KIF3B: variants seen among roughly 807,000 people sequenced by gnomAD.
KIF3B encodes the protein kinesin family member 3B, also known as kinesin-like protein KIF3B.
A neutral mutation model predicts 74.3 loss-of-function variants in KIF3B; 38 were observed. The observed-to-expected ratio is 0.51, with a 90% CI of 0.39 to 0.67. The LOEUF (loss-of-function observed/expected upper bound fraction) is 0.67, where lower values mean the gene tolerates loss of function less well. Among genes scored for constraint, KIF3B ranks in the 30% least tolerant of loss-of-function variants. The pLI, the probability that KIF3B is intolerant of heterozygous loss-of-function variation, is 0.00. For synonymous variants in KIF3B, 326 were observed against 342.5 expected (o/e 0.95, Z 0.53); for missense variants, 649 against 932.0 (o/e 0.70, Z 3.95).
At chr20:32,286,129 T>C (rs897634941) in intron 1 of KIF3B, among the ~76,000 whole-genome samples, 1 of 152,182 alleles carries the variant, frequency 6.6e-6, no homozygotes, top group Non-Finnish European at 1.5e-5. Flanking sequence ...TTGAATATAG[T>C]CTATAAATGG....
intron 5 of KIF3B, among the ~76,000 whole-genome samples, chr20:32,317,627 A>ATG (rs2047834761): frequency 6.6e-6 from 1 of 151,246 alleles, no homozygotes; most frequent in African/African-American, 2.4e-5. Context: ...ATATATATAT[A>ATG]TATGATCACA....
At chr20:32,323,000 T>A (rs913878282) in intron 5 of KIF3B, among the ~76,000 whole-genome samples, 10 of 1,302 alleles carry the variant, frequency 7.7e-3, no homozygotes, top group Non-Finnish European at 0.03. Context: ...ATACATATAT[T>A]TATATTTATA....
Position 32,319,065 on chromosome 20 carries a change from A to G in KIF3B, c.1748+2191A>G, listed in dbSNP as rs371943077. Among the ~76,000 whole-genome samples the G allele has an allele frequency of 4.0e-5, 6 of 150,996 alleles. No homozygotes were observed. In the East Asian group the frequency reaches 7.8e-4, roughly 20 times the overall value. On this transcript the variant is annotated intron_variant, in intron 5 of 8. Transcript: ENST00000375712. Reference sequence around the variant, plus strand: ...AACCTCCACCTCCTGGGCTCAAGCGATCCTCCCACCTCAACCTCTGGAATA... The same window carrying G: ...AACCTCCACCTCCTGGGCTCAAGCGGTCCTCCCACCTCAACCTCTGGAATA...
chr20:32,284,476 C>A (rs2047658513), intron 1 of KIF3B, among the ~76,000 whole-genome samples: 1 of 152,098 alleles, frequency 6.6e-6, no homozygotes, highest in Admixed American at 6.6e-5. Context: ...TGTACCATGT[C>A]CCCAGGACCT....
chr20:32,294,977 C>T (rs889407551), intron 1 of KIF3B, among the ~76,000 whole-genome samples: 5 of 152,176 alleles, frequency 3.3e-5, no homozygotes, highest in Non-Finnish European at 5.9e-5. Context: ...GTGCCATAAT[C>T]TAACCACTCC....
At chr20:32,319,785 C>T (rs1280787651) in intron 5 of KIF3B, among the ~76,000 whole-genome samples, 3 of 150,610 alleles carry the variant, frequency 2.0e-5, no homozygotes, top group East Asian at 3.9e-4. Context: ...GGGGTGTCAC[C>T]ATGTTGCCCA....
Position 32,319,584 on chromosome 20 carries a change from T to G in KIF3B, c.1748+2710T>G, listed in dbSNP as rs1326655843. 1.2e-3 allele frequency among the ~76,000 whole-genome samples: 83 copies of G among 67,282 alleles called. 1 individual carries two copies. The highest frequency in any genetic ancestry group is 0.012 in the East Asian group (7 of 572). The allele number at this position is 67,282 out of a possible 152,430, so 44.1% of individuals were successfully genotyped here. On this transcript the variant is annotated intron_variant, in intron 5 of 8. Coordinates refer to ENST00000375712, the MANE Select transcript of KIF3B (RefSeq NM_004798.4). ...TAGTTTTTTTTTGTTTTGTTTTTGT[T>G]TTTTTTTTTTTTTTTTTTGGAGTTG...
chr20:32,304,572 G>A (rs547741369), intron 1 of KIF3B, among the ~76,000 whole-genome samples: 3 of 152,260 alleles, frequency 2.0e-5, no homozygotes, highest in African/African-American at 7.2e-5. Flanking sequence ...TATGGTGCAT[G>A]CATGCAGTAG....
chr20:32,315,299 C>A (rs1370548095), intron 2 of KIF3B, among the ~76,000 whole-genome samples: 4 of 152,162 alleles, frequency 2.6e-5, no homozygotes, highest in African/African-American at 9.7e-5. Context: ...CATCACTTCC[C>A]ACCTTCCCCT....
chr20:32,302,669 GGT>G (rs369372108), intron 1 of KIF3B, among the ~76,000 whole-genome samples: 121 of 152,256 alleles, frequency 7.9e-4, no homozygotes, highest in Admixed American at 3.1e-3. Flanking sequence ...TACTCTATCA[GGT>G]CTAGGATCTT....
At chr20:32,317,258 G>A (rs1224333116) in intron 5 of KIF3B, among the ~76,000 whole-genome samples, 1 of 151,916 alleles carries the variant, frequency 6.6e-6, no homozygotes, top group African/African-American at 2.4e-5. Flanking sequence ...TAGCCCTGAG[G>A]ACAGGTCCTT....
rs2047798102 is a variant in KIF3B at position 32,311,089 on chromosome 20, GAGA to G, written c.1316_1318del (p.Lys439del). On this transcript the variant is annotated inframe_deletion, in exon 2 of 9. Coordinates refer to ENST00000375712, the MANE Select transcript of KIF3B (RefSeq NM_004798.4). ...AGAGGATCACAGCTTGGTTGCAGAG[GAGA>G]AGATGAGGCTGCTGAAGGAGAAAGA... is the stretch of plus-strand genomic sequence containing the variant. The G allele has an allele frequency of 6.2e-7, 1 of 1,613,902 alleles. No homozygotes were observed. Among genetic ancestry groups the G allele is most frequent in the Non-Finnish European group, 8.5e-7 (1 of 1,179,946 alleles).
chr20:32,298,956 C>T (rs1028343384), intron 1 of KIF3B, among the ~76,000 whole-genome samples: 1 of 152,128 alleles, frequency 6.6e-6, no homozygotes, highest in Non-Finnish European at 1.5e-5. Context: ...AGCCACTGCA[C>T]CCATCCTATC....
chr20:32,287,495 A>C (rs562542957), intron 1 of KIF3B, among the ~76,000 whole-genome samples: 1 of 125,690 alleles, frequency 8.0e-6, no homozygotes, highest in African/African-American at 3.1e-5. Flanking sequence ...CTAATTTTTA[A>C]ATTTTTCATG....
chr20:32,280,797 T>A (rs1045921895), intron 1 of KIF3B, among the ~76,000 whole-genome samples: 1 of 151,376 alleles, frequency 6.6e-6, no homozygotes, highest in African/African-American at 2.4e-5. Flanking sequence ...AACATCCAAT[T>A]CAGTAAATAT....
At chr20:32,292,588 A>G (rs1487580524) in intron 1 of KIF3B, among the ~76,000 whole-genome samples, 15 of 149,300 alleles carry the variant, frequency 1.0e-4, no homozygotes, top group African/African-American at 3.7e-4. Flanking sequence ...AAATAGAAAA[A>G]AAAAAAAAAA....
At chr20:32,305,570 C>CTTTTTTTTTT (rs869049527) in intron 1 of KIF3B, among the ~76,000 whole-genome samples, 27 of 86,898 alleles carry the variant, frequency 3.1e-4, no homozygotes, top group African/African-American at 6.2e-4. Flanking sequence ...ACTCCCCCAC[C>CTTTTTTTTTT]TTTTTTTTTT....
At chr20:32,322,197 G>T (rs1250369326) in intron 5 of KIF3B, among the ~76,000 whole-genome samples, 4 of 151,982 alleles carry the variant, frequency 2.6e-5, no homozygotes, top group Non-Finnish European at 5.9e-5. Flanking sequence ...AGAATGTTTT[G>T]TAGTTTTCAG....
At chr20:32,319,284 G>A (rs572316933) in intron 5 of KIF3B, among the ~76,000 whole-genome samples, 47 of 151,578 alleles carry the variant, frequency 3.1e-4, no homozygotes, top group Non-Finnish European at 6.0e-4. Context: ...GTCGACACTT[G>A]TTATTTCCTG....
Sources: gnomAD v4.1 joint callset for allele counts (sites outside exome capture counted in the v4.1 genomes callset) on GRCh38, gnomAD v4.1.1 for gene constraint, MANE v1.5 for transcripts, NCBI Gene and HGNC (gene_info 2026-07-23, HGNC 2026-07-21) for gene names.